MAP3K8: variants seen among roughly 807,000 people sequenced by gnomAD.
The protein encoded by MAP3K8 is mitogen-activated protein kinase kinase kinase 8, also known as Ewing sarcoma transformant.
Under a neutral mutation model 45.8 loss-of-function variants are expected in MAP3K8, and 22 were observed. That is an observed-to-expected ratio of 0.48 (90% confidence interval 0.34 to 0.69). MAP3K8 has a LOEUF of 0.69. Among genes scored for constraint, MAP3K8 ranks in the 30% least tolerant of loss-of-function variants. The probability of loss-of-function intolerance (pLI) is 0.01; values close to 1 mark genes in which losing one functional copy is unlikely to be tolerated. For missense variants in MAP3K8, 419 were observed against 585.0 expected (o/e 0.72, Z 2.93); for synonymous variants, 223 against 214.3 (o/e 1.04, Z -0.36).
chr10:30,439,317 T>C, intron 3 of MAP3K8, 43 bp downstream of exon 3: 1 of 1,606,882 alleles, frequency 6.2e-7, no homozygotes, highest in East Asian at 2.2e-5. Context: ...TGCTCAGCTT[T>C]CCTACTGCAG....
At chr10:30,454,731 A>G (rs1836679580) in intron 6 of MAP3K8, among the ~76,000 whole-genome samples, 1 of 151,856 alleles carries the variant, frequency 6.6e-6, no homozygotes, top group South Asian at 2.1e-4. Context: ...GCAGAACAAT[A>G]TTCAGAAGGG....
intron 3 of MAP3K8, among the ~76,000 whole-genome samples, chr10:30,440,289 T>G (rs1397007126): frequency 6.6e-6 from 1 of 152,238 alleles, no homozygotes; most frequent in East Asian, 1.9e-4. Context: ...GGTGGTAGCT[T>G]GCAAAACATG....
rs751299982 is a variant in MAP3K8, at chr10:30,451,706, G to A, written c.835G>A (p.Glu279Lys). Residue 279 changes from glutamate to lysine, a missense_variant, in exon 6 of 9, where the codon GAA (glutamate) becomes AAA (lysine). Coordinates refer to ENST00000263056, the MANE Select transcript of MAP3K8 (RefSeq NM_005204.4). ...TTTTGGCCTAAGTGTTCAAATGACC[G>A]AAGATGTCTATTTTCCTAAGGACCT... is the stretch of plus-strand genomic sequence containing the variant. ...VDFGLSVQMT[E>K]DVYFPKDLRG... 2.0e-5 allele frequency: 32 copies of A among 1,593,062 alleles called. No homozygotes were observed. The highest frequency in any genetic ancestry group is 2.1e-5 in the Non-Finnish European group (25 of 1,167,442).
intron 2 of MAP3K8, among the ~76,000 whole-genome samples, chr10:30,437,654 C>T (rs1835957866): frequency 6.6e-6 from 1 of 152,190 alleles, no homozygotes; most frequent in Non-Finnish European, 1.5e-5. Context: ...TTGCATGGTT[C>T]TTTTGTCAAA....
At position 30,458,274 on chromosome 10, in the gene MAP3K8, G is replaced by GGT. The variant is rs756169372; in HGVS notation, c.1026+39_1026+40insTG. The GGT allele has an allele frequency of 4.3e-5, 58 of 1,364,390 alleles. 4 individuals are homozygous for GGT. Among genetic ancestry groups the GGT allele is most frequent in the Admixed American group, 2.4e-4 (9 of 38,248 alleles). The allele number at this position is 1,364,390 out of a possible 1,614,324, so 84.5% of individuals were successfully genotyped here. ...CAACCAGGGCTGGGGGCGGCGGGGGGGGGCGTTGAGTTATGCATCCCGCAG... is the reference window on the plus strand; with the variant it reads ...CAACCAGGGCTGGGGGCGGCGGGGGGGTGGGCGTTGAGTTATGCATCCCGCAG... On this transcript the variant is annotated intron_variant, in intron 7 of 8. Coordinates refer to ENST00000263056, the MANE Select transcript of MAP3K8 (RefSeq NM_005204.4).
At chr10:30,451,886 A>G (rs921521828) in intron 6 of MAP3K8, 142 bp downstream of exon 6, 1 of 503,356 alleles carries the variant, frequency 2.0e-6, no homozygotes, top group African/African-American at 1.9e-5. Context: ...GAACACATTT[A>G]ATGAGCACTT....
At chr10:30,446,549 A>AG (rs1193302578) in intron 3 of MAP3K8, among the ~76,000 whole-genome samples, 58 of 151,380 alleles carry the variant, frequency 3.8e-4, no homozygotes, top group African/African-American at 1.4e-3. Flanking sequence ...AAAAAAAAAA[A>AG]AAGAAGAAGA....
At position 30,451,746 on chromosome 10, in the gene MAP3K8, T is replaced by C; in HGVS notation, c.873+2T>C. 6.7e-7 allele frequency: 1 copy of C among 1,485,622 alleles called. No homozygotes were observed. Among genetic ancestry groups the C allele is most frequent in the Non-Finnish European group, 9.2e-7 (1 of 1,082,566 alleles). 92.0% of individuals were successfully genotyped at this position (1,485,622 alleles called of 1,614,324 possible). A position where few individuals can be genotyped will look rare whatever the true frequency, so the allele number is the denominator to read the frequency against. On this transcript the variant is annotated splice_donor_variant, in intron 6 of 8. Transcript: ENST00000263056. LOFTEE classifies it high-confidence loss of function. ...CCTAAGGACCTCCGAGGAACAGAGG[T>C]AATTATGTTCACATGAAAAGGGTTA...
At chr10:30,443,637 G>C (rs1471708650) in intron 3 of MAP3K8, among the ~76,000 whole-genome samples, 1 of 152,212 alleles carries the variant, frequency 6.6e-6, no homozygotes, top group Non-Finnish European at 1.5e-5. Flanking sequence ...CTTTGTGCTA[G>C]ATAATATGCC....
Position 30,442,216 on chromosome 10 carries a change from C to T in MAP3K8, c.336+2942C>T, listed in dbSNP as rs116795772. On this transcript the variant is annotated intron_variant, in intron 3 of 8. Transcript: ENST00000263056. ...TAGCAGAGTATGCTGCTTCCCAGCA[C>T]GTGTGCATGCTGTTTGCTCTGGCAG... 4.9e-3 allele frequency among the ~76,000 whole-genome samples: 740 copies of T among 152,320 alleles called. 5 individuals carry two copies. Among genetic ancestry groups the T allele is most frequent in the African/African-American group, 0.016 (679 of 41,582 alleles).
chr10:30,443,370 T>C (rs571050401), intron 3 of MAP3K8, among the ~76,000 whole-genome samples: 43 of 152,370 alleles, frequency 2.8e-4, no homozygotes, highest in Admixed American at 7.2e-4. Context: ...GTTACTGTTG[T>C]ATACAATTGT....
Position 30,461,124 on chromosome 10 carries a change from A to G in MAP3K8, c.*288A>G. ...CTGCTGACTGTTTCATTCACTGTGC[A>G]CTTTGCTCAAAATTTTAAAAATACC... On this transcript the variant is annotated 3_prime_UTR_variant, in exon 9 of 9. Coordinates refer to ENST00000263056, the MANE Select transcript of MAP3K8 (RefSeq NM_005204.4). The G allele has an allele frequency of 3.1e-6, 1 of 322,128 alleles. No individual in the cohort carries two copies. Among genetic ancestry groups the G allele is most frequent in the East Asian group, 4.9e-5 (1 of 20,608 alleles). 20.0% of individuals were successfully genotyped at this position (322,128 alleles called of 1,614,324 possible).
rs575445977 is a variant in MAP3K8, at chr10:30,439,294, G to T, written c.336+20G>T. On this transcript the variant is annotated intron_variant, in intron 3 of 8. Transcript: ENST00000263056. Reference sequence around the variant, plus strand: ...AACATGGTACGTTTCTTTCCGATCAGTTGGGTGCTATGTGCTCAGCTTTCC... The same window carrying T: ...AACATGGTACGTTTCTTTCCGATCATTTGGGTGCTATGTGCTCAGCTTTCC... 5.6e-5 allele frequency: 90 copies of T among 1,613,826 alleles called. 1 individual carries two copies. The South Asian group carries it at 9.3e-4, about 17-fold the overall frequency.
intron 1 of MAP3K8, among the ~76,000 whole-genome samples, chr10:30,435,508 G>A (rs1807548561): frequency 6.6e-6 from 1 of 152,136 alleles, no homozygotes; most frequent in South Asian, 2.1e-4. Flanking sequence ...GTGCCCTGAG[G>A]GAGAATGTAC....
At chr10:30,450,625 G>T (rs1182869518) in intron 5 of MAP3K8, 106 bp downstream of exon 5, 1 of 980,236 alleles carries the variant, frequency 1.0e-6, no homozygotes, top group African/African-American at 1.6e-5. Flanking sequence ...AGGGTGGAAA[G>T]CTCCCTCAGA....
intron 3 of MAP3K8, among the ~76,000 whole-genome samples, chr10:30,446,682 C>T (rs1353837879): frequency 2.0e-5 from 3 of 152,188 alleles, no homozygotes; most frequent in East Asian, 3.9e-4. Context: ...TACAGGCACG[C>T]GTTCCAGATT....
chr10:30,449,405 T>G (rs180707469), intron 4 of MAP3K8, among the ~76,000 whole-genome samples: 1 of 152,202 alleles, frequency 6.6e-6, no homozygotes, highest in African/African-American at 2.4e-5. Context: ...CCCCCACGCC[T>G]GGCCTGACAT....
At chr10:30,457,352 T>G (rs934731019) in intron 6 of MAP3K8, among the ~76,000 whole-genome samples, 1 of 152,234 alleles carries the variant, frequency 6.6e-6, no homozygotes, top group Non-Finnish European at 1.5e-5. Context: ...ACTTCTACAA[T>G]ATTACACTTT....
At position 30,437,384 on chromosome 10, in the gene MAP3K8, A is replaced by C. The variant is rs1414697219; in HGVS notation, c.-46A>C. On this transcript the variant is annotated 5_prime_UTR_variant, in exon 2 of 9. Transcript: ENST00000263056. ...GCACTTTATGAGCTTGAACTCTGTT[A>C]ATCCTCACGACCACCTCATGAGGTA... The C allele has an allele frequency of 1.2e-6, 1 of 846,832 alleles. No individual in the cohort carries two copies. Among genetic ancestry groups the C allele is most frequent in the African/African-American group, 1.8e-5 (1 of 54,470 alleles). The allele number at this position is 846,832 out of a possible 1,614,324, so 52.5% of individuals were successfully genotyped here.
Sources: gnomAD v4.1 joint callset for allele counts (sites outside exome capture counted in the v4.1 genomes callset) on GRCh38, gnomAD v4.1.1 for gene constraint, MANE v1.5 for transcripts, NCBI Gene and HGNC (gene_info 2026-07-23, HGNC 2026-07-21) for gene names.